TBCD: variants seen among roughly 807,000 people sequenced by gnomAD.
TBCD encodes tubulin-specific chaperone D.
TBCD carries 105 observed loss-of-function variants against 169.3 expected under a neutral mutation model. The ratio of observed to expected loss-of-function variants is 0.62; its 90% CI spans 0.53 to 0.73. TBCD has a LOEUF of 0.73. Among genes scored for constraint, TBCD ranks in the 30% least tolerant of loss-of-function variants. The pLI, the probability that TBCD is intolerant of heterozygous loss-of-function variation, is 0.00. For synonymous variants in TBCD, 700 were observed against 643.9 expected, an observed-to-expected ratio of 1.09 and a Z score of -1.32; for missense variants, 1,444 against 1,600.1, an observed-to-expected ratio of 0.90 and a Z score of 1.66.
chr17:82,934,547 A>AC (rs2062461190), intron 34 of TBCD, among the ~76,000 whole-genome samples: 1 of 151,954 alleles, frequency 6.6e-6, no homozygotes, highest in African/African-American at 2.4e-5. Context: ...ATCTCAGCTC[A>AC]CTGCAACCTC....
rs1427649580 is a variant in TBCD at position 82,943,529 on chromosome 17, T to C, written c.*1066T>C. On this transcript the variant is annotated 3_prime_UTR_variant, in exon 39 of 39. Coordinates refer to ENST00000355528, the MANE Select transcript of TBCD (RefSeq NM_005993.5). ...AGATTAGGGTGGCTCCCTGGCCTGC[T>C]CTCAGGTGGGGATGGGGCCTGGACA... The C allele has an allele frequency of 1.4e-5, 2 of 143,582 alleles. No homozygotes were observed. The highest frequency in any genetic ancestry group is 5.2e-5 in the African/African-American group (2 of 38,608). The allele number at this position is 143,582 out of a possible 1,614,324, so 8.9% of individuals were successfully genotyped here. A position where few individuals can be genotyped will look rare whatever the true frequency, so the allele number is the denominator to read the frequency against.
rs1301790600 is a variant in TBCD at position 82,850,340 on chromosome 17, G to GTCC, written c.1319-19883_1319-19882insCCT. On this transcript the variant is annotated intron_variant, in intron 13 of 38. Transcript: ENST00000355528. ...GCTGTTGGCTGTGCTGTTGTTGGCT[G>GTCC]TGCTGTTGTTGGCTGTCCTGTTGTT... 7.9e-5 allele frequency among the ~76,000 whole-genome samples: 12 copies of GTCC among 151,618 alleles called. No individual in the cohort carries two copies. The South Asian group carries it at 1.0e-3, about 13-fold the overall frequency.
chr17:82,907,969 T>A, intron 21 of TBCD, 148 bp downstream of exon 21: 2 of 816,950 alleles, frequency 2.4e-6, no homozygotes, highest in South Asian at 1.7e-5. Flanking sequence ...TGCGGTGTGA[T>A]CACTCTGGGA....
At chr17:82,861,767 G>A (rs1369721578) in intron 13 of TBCD, among the ~76,000 whole-genome samples, 1 of 152,182 alleles carries the variant, frequency 6.6e-6, no homozygotes, top group Non-Finnish European at 1.5e-5. Flanking sequence ...GTGGGCATAG[G>A]ATGGCTAAGG....
intron 14 of TBCD, among the ~76,000 whole-genome samples, chr17:82,877,631 C>T (rs932774126): frequency 2.6e-5 from 4 of 152,166 alleles, no homozygotes; most frequent in Non-Finnish European, 4.4e-5. Flanking sequence ...TGAGCCACTG[C>T]GCCCGGCTGT....
chr17:82,865,037 T>C (rs2057064180), intron 13 of TBCD, among the ~76,000 whole-genome samples: 1 of 152,220 alleles, frequency 6.6e-6, no homozygotes, highest in African/African-American at 2.4e-5. Context: ...TGCTGCTCCC[T>C]GCAGGCAGCT....
intron 14 of TBCD, among the ~76,000 whole-genome samples, chr17:82,883,845 G>A (rs565339202): frequency 2.0e-5 from 3 of 152,328 alleles, no homozygotes; most frequent in East Asian, 3.9e-4. Flanking sequence ...GGCCAGGTGC[G>A]TTCTGCCCCC....
At chr17:82,797,606 C>A in intron 7 of TBCD, 151 bp from the exon 8 acceptor site, 2 of 623,040 alleles carry the variant, frequency 3.2e-6, no homozygotes, top group South Asian at 2.0e-5. Context: ...ATTACTTTAT[C>A]ATGTACAGAA....
intron 9 of TBCD, among the ~76,000 whole-genome samples, chr17:82,805,556 G>A (rs2050900562): frequency 6.6e-6 from 1 of 152,172 alleles, no homozygotes; most frequent in African/African-American, 2.4e-5. Context: ...AAGGCCGGGT[G>A]CTTCCCCAGG....
chr17:82,925,715 C>T (rs558924866), intron 27 of TBCD, among the ~76,000 whole-genome samples: 5 of 152,200 alleles, frequency 3.3e-5, no homozygotes, highest in Non-Finnish European at 5.9e-5. Context: ...ATCTAAAACT[C>T]GCATGTGGGG....
rs2053601484 is a variant in TBCD, at chr17:82,832,459, C to T, written c.1318+17525C>T. 6.2e-7 allele frequency: 1 copy of T among 1,607,638 alleles called. No individual in the cohort carries two copies. ...CCGCTCTTTGAGGAGACTCATTTTC[C>T]TCCTTATGCCTTGGACTCTGGCTGT... On this transcript the variant is annotated intron_variant, in intron 13 of 38. Coordinates refer to ENST00000355528, the MANE Select transcript of TBCD (RefSeq NM_005993.5). This position sits in a 1 kb window ranked among gnomAD's most constrained non-coding sequence, Gnocchi z 4.9.
At chr17:82,830,093 A>C (rs750211647) in intron 13 of TBCD, 71 of 1,610,276 alleles carry the variant, frequency 4.4e-5, no homozygotes, top group Non-Finnish European at 5.9e-5. Flanking sequence ...GCCACCTTGG[A>C]AGGCGTGTGT....
intron 23 of TBCD, chr17:82,913,399 G>C (rs750159846): frequency 6.6e-6 from 1 of 152,316 alleles, no homozygotes. Flanking sequence ...CCATGAAAGG[G>C]GGGAGTTAAA....
At chr17:82,758,661 C>CTTTTTTTTTTTTTTTTTTTTTTTTTT in intron 2 of TBCD, among the ~76,000 whole-genome samples, 1 of 94,594 alleles carries the variant, frequency 1.1e-5, no homozygotes, top group Non-Finnish European at 2.1e-5. Context: ...TTTTTTTTTT[C>CTTTTTTTTTTTTTTTTTTTTTTTTTT]TTTTTTTTTT....
intron 11 of TBCD, among the ~76,000 whole-genome samples, chr17:82,808,133 C>G (rs1057000158): frequency 6.6e-6 from 1 of 152,152 alleles, no homozygotes; most frequent in African/African-American, 2.4e-5. Context: ...CAGTGGAGGT[C>G]GTGGGGCAGA....
intron 13 of TBCD, among the ~76,000 whole-genome samples, chr17:82,849,950 T>TG (rs1282173561): frequency 3.1e-4 from 46 of 148,600 alleles, no homozygotes; most frequent in African/African-American, 9.0e-4. Flanking sequence ...GTGCTGTTGT[T>TG]GCCTGTGCTG....
At chr17:82,921,704 G>T in intron 25 of TBCD, 127 bp downstream of exon 25, 1 of 809,774 alleles carries the variant, frequency 1.2e-6, no homozygotes, top group Non-Finnish European at 2.1e-6. Flanking sequence ...ACTGACAAAT[G>T]GGGGCATAAT....
At chr17:82,847,000 C>T (rs949252374) in intron 13 of TBCD, among the ~76,000 whole-genome samples, 3 of 152,216 alleles carry the variant, frequency 2.0e-5, no homozygotes, top group Admixed American at 2.0e-4. Flanking sequence ...GCTCTGGGCG[C>T]TGTGGGCACC....
chr17:82,752,337 C>T lies in TBCD; in HGVS notation c.144C>T (p.Gly48=). ...TGGGCCGCCTGCGGGAGGTGCACGG[C>T]GGCGGCGCGGAGCGCGAGGTGGCCC... is the stretch of plus-strand genomic sequence containing the variant. ...ALLGRLREVH[G]GGAEREVALE... Residue 48 remains glycine (G), a synonymous_variant, in exon 1 of 39, where the codon GGC becomes GGT. Transcript: ENST00000355528. The T allele has an allele frequency of 1.4e-6, 2 of 1,419,396 alleles. No homozygotes were observed. The highest frequency in any genetic ancestry group is 2.6e-4 in the Middle Eastern group (1 of 3,900). 87.9% of individuals were successfully genotyped at this position (1,419,396 alleles called of 1,614,324 possible). A position where few individuals can be genotyped will look rare whatever the true frequency, so the allele number is the denominator to read the frequency against.
Sources: gnomAD v4.1 joint callset for allele counts (sites outside exome capture counted in the v4.1 genomes callset) on GRCh38, gnomAD v4.1.1 for gene constraint, Gnocchi (gnomAD v3.1) non-coding constraint, MANE v1.5 for transcripts, NCBI Gene and HGNC (gene_info 2026-07-23, HGNC 2026-07-21) for gene names.